The following MMP16 variants were observed in gnomAD, a reference collection of about 807,000 sequenced individuals.
MMP16 encodes the protein matrix metallopeptidase 16.
MMP16 carries 12 observed loss-of-function variants against 67.8 expected under a neutral mutation model. The ratio of observed to expected loss-of-function variants is 0.18; its 90% CI spans 0.11 to 0.29. The LOEUF (loss-of-function observed/expected upper bound fraction) is 0.29. Among genes scored for constraint, MMP16 ranks in the 10% least tolerant of loss-of-function variants. MMP16 has a pLI of 1.00. For synonymous variants in MMP16, 249 were observed against 255.9 expected, an observed-to-expected ratio of 0.97 and a Z score of 0.26; for missense variants, 475 against 765.7, an observed-to-expected ratio of 0.62 and a Z score of 4.48.
chr8:88,320,957 A>T (rs1811451131), intron 1 of MMP16, among the ~76,000 whole-genome samples: 1 of 152,156 alleles, frequency 6.6e-6, no homozygotes, highest in Admixed American at 6.6e-5. Context: ...AAATGACAGG[A>T]AACAACAATC....
chr8:88,092,397 C>T (rs1242833706), intron 6 of MMP16, among the ~76,000 whole-genome samples: 4 of 151,886 alleles, frequency 2.6e-5, no homozygotes, highest in African/African-American at 9.7e-5. Context: ...TCGGAAACTA[C>T]AGTATCTTCC....
intron 6 of MMP16, among the ~76,000 whole-genome samples, chr8:88,083,463 C>A (rs1483403332): frequency 6.6e-6 from 1 of 151,968 alleles, no homozygotes; most frequent in East Asian, 1.9e-4. Context: ...AGCATGGGAG[C>A]AGCTTAAGCA....
At chr8:88,199,078 C>T (rs1483001807) in intron 1 of MMP16, among the ~76,000 whole-genome samples, 1 of 151,932 alleles carries the variant, frequency 6.6e-6, no homozygotes, top group Non-Finnish European at 1.5e-5. Flanking sequence ...ATGCTTTTTC[C>T]ATAACACTTT....
chr8:88,184,069 T>C (rs1239700047), intron 3 of MMP16, among the ~76,000 whole-genome samples: 2 of 152,102 alleles, frequency 1.3e-5, no homozygotes, highest in Non-Finnish European at 2.9e-5. Context: ...TTTGCTTTGA[T>C]TCCTACTTAC....
At chr8:88,053,405 G>A (rs1412763735) in intron 8 of MMP16, among the ~76,000 whole-genome samples, 1 of 152,126 alleles carries the variant, frequency 6.6e-6, no homozygotes, top group Non-Finnish European at 1.5e-5. Context: ...TCGCTATTGC[G>A]CAACTTGGAT....
At chr8:88,129,050 T>C (rs1027834381) in intron 4 of MMP16, among the ~76,000 whole-genome samples, 3 of 151,916 alleles carry the variant, frequency 2.0e-5, no homozygotes, top group Middle Eastern at 3.4e-3. Flanking sequence ...GAAAAGATGT[T>C]ACAGATGTTA....
At chr8:88,146,141 T>C (rs1808286281) in intron 4 of MMP16, among the ~76,000 whole-genome samples, 1 of 152,034 alleles carries the variant, frequency 6.6e-6, no homozygotes, top group Non-Finnish European at 1.5e-5. Flanking sequence ...ATGCTCCTTT[T>C]TGCATGAAAA....
intron 1 of MMP16, among the ~76,000 whole-genome samples, chr8:88,320,923 C>CA (rs1811450392): frequency 6.6e-6 from 1 of 151,828 alleles, no homozygotes; most frequent in African/African-American, 2.4e-5. Flanking sequence ...AAACACCAAG[C>CA]AAAAAATATC....
rs1808357955 is a variant in MMP16, at chr8:88,058,432, G to C, written c.1223-2154C>G. ...TGTTGTAGGCACTACTGATAGAGAA[G>C]TGAACCAGAAGGTCAACATCTCTAT... On this transcript the variant is annotated intron_variant, in intron 7 of 9. Coordinates refer to ENST00000286614, the MANE Select transcript of MMP16 (RefSeq NM_005941.5). This position sits in a 1 kb window ranked among gnomAD's most constrained non-coding sequence, Gnocchi z 4.2. Among the ~76,000 whole-genome samples, 1 of 152,154 alleles carries C rather than the reference G, an allele frequency of 6.6e-6. No individual in the cohort carries two copies. Among genetic ancestry groups the C allele is most frequent in the Non-Finnish European group, 1.5e-5 (1 of 68,024 alleles).
intron 1 of MMP16, among the ~76,000 whole-genome samples, chr8:88,232,215 C>G (rs1385450801): frequency 1.3e-5 from 2 of 152,108 alleles, no homozygotes; most frequent in Admixed American, 6.6e-5. Flanking sequence ...CCTTTCATCT[C>G]TGATTTCAAA....
intron 1 of MMP16, among the ~76,000 whole-genome samples, chr8:88,308,671 T>C (rs1436206616): frequency 1.3e-5 from 2 of 152,070 alleles, no homozygotes; most frequent in African/African-American, 2.4e-5. Flanking sequence ...ATATCAAAGA[T>C]TCATGCACAT....
chr8:88,141,661 T>C (rs1808212219), intron 4 of MMP16, among the ~76,000 whole-genome samples: 1 of 152,240 alleles, frequency 6.6e-6, no homozygotes, highest in Admixed American at 6.5e-5. Context: ...CAGAATTTGA[T>C]ATTCAGTAAT....
At position 88,186,483 on chromosome 8, in the gene MMP16, T is replaced by A. The variant is rs756445504; in HGVS notation, c.397A>T (p.Thr133Ser). The A allele has an allele frequency of 5.0e-6, 8 of 1,613,306 alleles. No homozygotes were observed. Among genetic ancestry groups the A allele is most frequent in the African/African-American group, 4.0e-5 (3 of 74,866 alleles). Residue 133 changes from threonine to serine, a missense_variant, in exon 3 of 10, where the codon ACT becomes TCT. By Grantham distance (58) the Thr-to-Ser change is moderately conservative. Transcript: ENST00000286614. ...TGQKWQHKHI[T>S]YSIKNVTPKV... Reference sequence around the variant, plus strand: ...AATCGTGAGTTCTTATACCTGTAAGTGATGTGCTTGTGCTGCCATTTCTGT... The same window carrying A: ...AATCGTGAGTTCTTATACCTGTAAGAGATGTGCTTGTGCTGCCATTTCTGT...
chr8:88,264,032 AC>A (rs1227250081), intron 1 of MMP16, among the ~76,000 whole-genome samples: 1 of 11,220 alleles, frequency 8.9e-5, no homozygotes, highest in Admixed American at 1.5e-3. Flanking sequence ...CAAAAATGGC[AC>A]ATATATATAT....
At chr8:88,226,092 G>A (rs1809764610) in intron 1 of MMP16, among the ~76,000 whole-genome samples, 2 of 151,330 alleles carry the variant, frequency 1.3e-5, no homozygotes, top group Non-Finnish European at 1.5e-5. Flanking sequence ...CTAACAAATA[G>A]ACTGTCGTGT....
chr8:88,095,275 TTTG>T (rs1211320031), intron 6 of MMP16, among the ~76,000 whole-genome samples: 9 of 151,818 alleles, frequency 5.9e-5, no homozygotes, highest in East Asian at 1.9e-4. Context: ...TGTGTGTGTT[TTTG>T]TTGTTGTTCT....
intron 1 of MMP16, among the ~76,000 whole-genome samples, chr8:88,285,971 T>C (rs527295493): frequency 6.6e-6 from 1 of 152,282 alleles, no homozygotes; most frequent in African/African-American, 2.4e-5. Flanking sequence ...CCCATGGTAC[T>C]TTCTCACTAA....
intron 6 of MMP16, among the ~76,000 whole-genome samples, chr8:88,100,919 T>G (rs890517318): frequency 6.7e-6 from 1 of 149,212 alleles, no homozygotes; most frequent in Non-Finnish European, 1.5e-5. Flanking sequence ...TAGGTGGGAA[T>G]TGAACCATGA....
At chr8:88,119,076 T>C (rs1809485538) in intron 4 of MMP16, among the ~76,000 whole-genome samples, 1 of 151,964 alleles carries the variant, frequency 6.6e-6, no homozygotes, top group Non-Finnish European at 1.5e-5. Context: ...GGTGATAAAG[T>C]CACAGAGATT....
Sources: allele counts gnomAD v4.1 joint callset (sites outside exome capture counted in the v4.1 genomes callset), GRCh38; gene constraint gnomAD v4.1.1; non-coding constraint Gnocchi (gnomAD v3.1); transcripts MANE v1.5; gene names NCBI Gene and HGNC (gene_info 2026-07-23, HGNC 2026-07-21).